Variants in RALGAPA2 observed in about 807,000 individuals in gnomAD.
RALGAPA2 encodes Ral GTPase activating protein catalytic subunit alpha 2, also known as ral GTPase-activating protein subunit alpha-2.
In RALGAPA2, 139 loss-of-function variants were observed where a neutral mutation model predicts 230.4. The observed-to-expected ratio is 0.60, with a 90% confidence interval of 0.53 to 0.69. RALGAPA2 has a LOEUF of 0.69. RALGAPA2 is among the 30% of genes least tolerant of loss of function. RALGAPA2 has a pLI of 0.00. For synonymous variants in RALGAPA2, 847 were observed against 837.8 expected (o/e 1.01, Z -0.19); for missense variants, 2,163 against 2,276.0 (o/e 0.95, Z 1.01).
At chr20:20,521,203 G>T in intron 30 of RALGAPA2, 103 bp from the exon 31 acceptor site, 2 of 941,688 alleles carry the variant, frequency 2.1e-6, no homozygotes, top group South Asian at 2.1e-5. Flanking sequence ...CTCCTGCTTG[G>T]TCCTAGCTGG....
Position 20,392,936 on chromosome 20 carries a change from C to T in RALGAPA2, c.*353G>A. 1 of 575,322 alleles carries T rather than the reference C, an allele frequency of 1.7e-6. No homozygotes were observed. The highest frequency in any genetic ancestry group is 2.7e-6 in the Non-Finnish European group (1 of 376,652). 35.6% of individuals were successfully genotyped at this position (575,322 alleles called of 1,614,324 possible). A position where few individuals can be genotyped will look rare whatever the true frequency, so the allele number is the denominator to read the frequency against. ...CTGTCATCTGCCCAGAGCAGCCACA[C>T]CAGTGCCCACGTGTCAGTGGGTTCA... On this transcript the variant is annotated 3_prime_UTR_variant, in exon 40 of 40. Transcript: ENST00000202677.
intron 38 of RALGAPA2, among the ~76,000 whole-genome samples, chr20:20,400,172 A>G (rs2059802526): frequency 6.6e-6 from 1 of 152,194 alleles, no homozygotes. Flanking sequence ...CACACTCAAC[A>G]CTGGCAACCC....
chr20:20,485,681 T>C (rs771797183), intron 36 of RALGAPA2, among the ~76,000 whole-genome samples: 1 of 152,220 alleles, frequency 6.6e-6, no homozygotes, highest in African/African-American at 2.4e-5. Flanking sequence ...AATAACACTA[T>C]ACTGCTTCAC....
At position 20,639,895 on chromosome 20, in the gene RALGAPA2, T is replaced by C. The variant is rs779214367; in HGVS notation, c.556A>G (p.Ile186Val). The C allele has an allele frequency of 2.5e-6, 4 of 1,604,796 alleles. No homozygotes were observed. The East Asian group carries it at 8.9e-5, about 36-fold the overall frequency. ...AGTGGAGTGATTTCTTCTGGATATA[T>C]CTTTACTGAAAGGACAGAAAATGAT... ...NPSPSVADVK[I>V]YPEEITPLLP... Residue 186 changes from isoleucine (I) to valine (V), a missense_variant, in exon 7 of 40, where the codon ATA (isoleucine) becomes GTA (valine). By Grantham distance (29) the Ile-to-Val change is conservative. Transcript: ENST00000202677.
chr20:20,705,806 T>C (rs553020220), intron 1 of RALGAPA2, among the ~76,000 whole-genome samples: 9 of 152,044 alleles, frequency 5.9e-5, no homozygotes, highest in Non-Finnish European at 1.0e-4. Flanking sequence ...GCAGCTGGGA[T>C]TACAGGCACG....
At chr20:20,695,732 T>C (rs570803918) in intron 1 of RALGAPA2, among the ~76,000 whole-genome samples, 3 of 152,348 alleles carry the variant, frequency 2.0e-5, no homozygotes, top group African/African-American at 7.2e-5. Context: ...TTAGCAACAC[T>C]GGTTCATAGA....
chr20:20,507,351 A>G (rs895060320), intron 33 of RALGAPA2, among the ~76,000 whole-genome samples: 2 of 152,080 alleles, frequency 1.3e-5, no homozygotes, highest in Non-Finnish European at 2.9e-5. Context: ...TCTTTTCACA[A>G]TATCTTTTTT....
intron 1 of RALGAPA2, among the ~76,000 whole-genome samples, chr20:20,701,698 C>G (rs1355201165): frequency 6.6e-6 from 1 of 151,664 alleles, no homozygotes; most frequent in African/African-American, 2.4e-5. Context: ...CCACTGCACT[C>G]CAGCCTGGGC....
At chr20:20,513,339 T>A in intron 31 of RALGAPA2, 55 bp from the exon 32 acceptor site, 23 of 1,174,236 alleles carry the variant, frequency 2.0e-5, no homozygotes, top group Admixed American at 3.5e-5. Context: ...AGATTAAAAC[T>A]CAACACCTTT....
chr20:20,566,059 C>G (rs796332725), intron 23 of RALGAPA2, among the ~76,000 whole-genome samples: 1 of 152,196 alleles, frequency 6.6e-6, no homozygotes, highest in Non-Finnish European at 1.5e-5. Flanking sequence ...CAGCAGAGCC[C>G]ACTGTCTGCT....
At chr20:20,466,315 TGAG>T (rs967891804) in intron 37 of RALGAPA2, among the ~76,000 whole-genome samples, 2 of 152,244 alleles carry the variant, frequency 1.3e-5, no homozygotes, top group African/African-American at 4.8e-5. Context: ...TTTGGTAATG[TGAG>T]GAGGACAACT....
At chr20:20,458,808 A>ATATATATATAGACC (rs1569418080) in intron 37 of RALGAPA2, among the ~76,000 whole-genome samples, 2 of 99,984 alleles carry the variant, frequency 2.0e-5, no homozygotes, top group African/African-American at 4.6e-5. Context: ...ATATAGACCT[A>ATATATATATAGACC]TATATATATA....
intron 36 of RALGAPA2, among the ~76,000 whole-genome samples, chr20:20,482,608 A>C (rs1029006005): frequency 6.6e-6 from 1 of 152,210 alleles, no homozygotes. Flanking sequence ...GTTTGTATGA[A>C]TGCTGTGCCT....
chr20:20,490,861 AACACAC>A lies in RALGAPA2; in HGVS notation c.5367+4250_5367+4255del, dbSNP rs34230105. 9.0e-4 allele frequency among the ~76,000 whole-genome samples: 128 copies of A among 142,286 alleles called. 1 individual carries two copies. Among genetic ancestry groups the A allele is most frequent in the Middle Eastern group, 3.6e-3 (1 of 280 alleles). 93.3% of individuals were successfully genotyped at this position (142,286 alleles called of 152,430 possible). ...GAAGAGGGATGCATGAACACACATG[AACACAC>A]ACACACACACACACACACACACACA... is the stretch of plus-strand genomic sequence containing the variant. On this transcript the variant is annotated intron_variant, in intron 36 of 39. Coordinates refer to ENST00000202677, the MANE Select transcript of RALGAPA2 (RefSeq NM_020343.4).
rs1182682917 is a variant in RALGAPA2, at chr20:20,495,153, A to C, written c.5331T>G (p.Asn1777Lys). Residue 1777 changes from asparagine to lysine, a missense_variant, in exon 36 of 40, where the codon AAT becomes AAG. Asn to Lys is a moderately conservative substitution (Grantham distance 94). Transcript: ENST00000202677. Reference sequence around the variant, plus strand: ...TCGTTATCGCGATGAAGAACATGTGATTCTTCATTGGGTAAATAATGATTG... The same window carrying C: ...TCGTTATCGCGATGAAGAACATGTGCTTCTTCATTGGGTAAATAATGATTG... ...DVSIIIYPMK[N>K]HMFFIAITKK... 1.1e-5 allele frequency: 17 copies of C among 1,609,764 alleles called. No homozygotes were observed. The highest frequency in any genetic ancestry group is 1.4e-5 in the Non-Finnish European group (17 of 1,176,824).
At chr20:20,618,977 T>C (rs529419327) in intron 12 of RALGAPA2, among the ~76,000 whole-genome samples, 11 of 152,364 alleles carry the variant, frequency 7.2e-5, no homozygotes, top group Admixed American at 5.2e-4. Context: ...GTTTGGAAGA[T>C]AATTTAAAGA....
intron 23 of RALGAPA2, among the ~76,000 whole-genome samples, chr20:20,549,297 C>T (rs1453558896): frequency 6.6e-6 from 1 of 152,160 alleles, no homozygotes; most frequent in Non-Finnish European, 1.5e-5. Flanking sequence ...AGTTGCTATA[C>T]TGATGCTAAA....
rs1036594838 is a variant in RALGAPA2 at position 20,426,212 on chromosome 20, T to TA, written c.5496-14065dup. 4.6e-5 allele frequency among the ~76,000 whole-genome samples: 7 copies of TA among 152,160 alleles called. No individual in the cohort carries two copies. The East Asian group carries it at 5.8e-4, about 13-fold the overall frequency. On this transcript the variant is annotated intron_variant, in intron 37 of 39. Coordinates refer to ENST00000202677, the MANE Select transcript of RALGAPA2 (RefSeq NM_020343.4). ...TCTAACATTTGGTTCACTGTTAGGTTAAAAAAAATAAAGATGATCAGGAAG... is the reference window on the plus strand; with the variant it reads ...TCTAACATTTGGTTCACTGTTAGGTTAAAAAAAAATAAAGATGATCAGGAAG...
At chr20:20,495,345 A>G in intron 35 of RALGAPA2, 70 bp from the exon 36 acceptor site, 1 of 1,305,368 alleles carries the variant, frequency 7.7e-7, no homozygotes, top group Non-Finnish European at 1.0e-6. Flanking sequence ...ATGGCTTACA[A>G]ATTGAATTAT....
Sources: allele counts gnomAD v4.1 joint callset (sites outside exome capture counted in the v4.1 genomes callset), GRCh38; gene constraint gnomAD v4.1.1; transcripts MANE v1.5; gene names NCBI Gene and HGNC (gene_info 2026-07-23, HGNC 2026-07-21).